PBX1: variants seen among roughly 807,000 people sequenced by gnomAD.
The protein encoded by PBX1 is pre-B-cell leukemia transcription factor 1.
Under a neutral mutation model 53.4 loss-of-function variants are expected in PBX1, and 6 were observed. The ratio of observed to expected loss-of-function variants is 0.11; its 90% CI spans 0.06 to 0.22. PBX1 has a LOEUF of 0.22. Ranked by LOEUF, PBX1 falls within the 10% of genes least tolerant of loss-of-function variation. The pLI is 1.00. For missense variants in PBX1, 251 were observed against 551.4 expected, an observed-to-expected ratio of 0.46 and a Z score of 5.46; for synonymous variants, 204 against 212.3, an observed-to-expected ratio of 0.96 and a Z score of 0.34.
chr1:164,638,308 G>A (rs1658907708), intron 2 of PBX1, among the ~76,000 whole-genome samples: 1 of 152,222 alleles, frequency 6.6e-6, no homozygotes, highest in African/African-American at 2.4e-5. Context: ...GTGAGAGGTA[G>A]GAAAACATTA....
chr1:164,768,592 T>C (rs939975712), intron 2 of PBX1, among the ~76,000 whole-genome samples: 10 of 152,326 alleles, frequency 6.6e-5, no homozygotes, highest in Middle Eastern at 3.4e-3. Context: ...TGGTTCCCGA[T>C]AGAATGGTTC....
intron 2 of PBX1, among the ~76,000 whole-genome samples, chr1:164,719,752 G>A (rs2102101266): frequency 6.6e-6 from 1 of 152,248 alleles, no homozygotes; most frequent in East Asian, 1.9e-4. Flanking sequence ...TCTGGGCACT[G>A]GAAAGCACAT....
chr1:164,842,492 A>G (rs1671350930), intron 8 of PBX1, among the ~76,000 whole-genome samples: 1 of 152,156 alleles, frequency 6.6e-6, no homozygotes, highest in African/African-American at 2.4e-5. Context: ...TGTGTTTTGG[A>G]AATCCAGATT....
chr1:164,613,204 C>T (rs1657049463), intron 2 of PBX1, among the ~76,000 whole-genome samples: 1 of 152,158 alleles, frequency 6.6e-6, no homozygotes, highest in African/African-American at 2.4e-5. Flanking sequence ...CAATGTCAAG[C>T]CTTATGTTCC....
At chr1:164,651,889 C>G (rs1270223779) in intron 2 of PBX1, 2 of 151,172 alleles carry the variant, frequency 1.3e-5, no homozygotes, top group African/African-American at 4.9e-5. Context: ...CCTCGCAAAG[C>G]AGACAGAGCA....
At chr1:164,646,519 G>A (rs1659462258) in intron 2 of PBX1, among the ~76,000 whole-genome samples, 1 of 152,034 alleles carries the variant, frequency 6.6e-6, no homozygotes, top group Non-Finnish European at 1.5e-5. Flanking sequence ...CTTCTGATGG[G>A]GAGATATGGC....
intron 2 of PBX1, among the ~76,000 whole-genome samples, chr1:164,697,715 GT>G (rs1662872539): frequency 2.0e-5 from 3 of 152,148 alleles, no homozygotes; most frequent in Admixed American, 2.0e-4. Flanking sequence ...AAATTAAACT[GT>G]CACAGAGTAC....
intron 2 of PBX1, among the ~76,000 whole-genome samples, chr1:164,571,762 A>G (rs1426898643): frequency 6.6e-6 from 1 of 150,760 alleles, no homozygotes; most frequent in East Asian, 2.0e-4. Context: ...TGATAACTCT[A>G]TGTTTAGATT....
intron 2 of PBX1, among the ~76,000 whole-genome samples, chr1:164,857,795 T>G (rs1001176129): frequency 6.6e-6 from 1 of 152,212 alleles, no homozygotes; most frequent in Non-Finnish European, 1.5e-5. Flanking sequence ...TTGCTTAATC[T>G]TTCTGTGCCT....
At chr1:164,611,831 C>G (rs1298515294) in intron 2 of PBX1, among the ~76,000 whole-genome samples, 2 of 152,144 alleles carry the variant, frequency 1.3e-5, no homozygotes, top group African/African-American at 2.4e-5. Context: ...AGGACCTGCT[C>G]TGTGCCTGGC....
intron 2 of PBX1, among the ~76,000 whole-genome samples, chr1:164,766,998 G>C (rs1667092280): frequency 6.9e-6 from 1 of 144,806 alleles, no homozygotes; most frequent in African/African-American, 2.6e-5. Context: ...AAAGTGCTGG[G>C]ATTACAGGTG....
intron 2 of PBX1, among the ~76,000 whole-genome samples, chr1:164,571,873 G>GTATATATATATATATATATATA (rs59338120): frequency 3.3e-5 from 1 of 29,898 alleles, no homozygotes; most frequent in Non-Finnish European, 6.0e-5. Context: ...TCTGTACATT[G>GTATATATATATATATATATATA]TATATATATA....
intron 2 of PBX1, among the ~76,000 whole-genome samples, chr1:164,755,447 C>A (rs114837137): frequency 6.6e-6 from 1 of 152,114 alleles, no homozygotes; most frequent in African/African-American, 2.4e-5. Flanking sequence ...CCGCGCCCAG[C>A]CTTTTACTTG....
At chr1:164,818,097 A>T (rs1440753911) in intron 6 of PBX1, 1 of 152,254 alleles carries the variant, frequency 6.6e-6, no homozygotes, top group Non-Finnish European at 1.5e-5. Flanking sequence ...AAATGCAAGC[A>T]TGTATTGTAA....
chr1:164,822,316 A>C (rs1670200773), intron 8 of PBX1, among the ~76,000 whole-genome samples: 1 of 152,108 alleles, frequency 6.6e-6, no homozygotes, highest in African/African-American at 2.4e-5. Context: ...AGCTGGGACA[A>C]GAGGGCAGCC....
At chr1:164,782,286 A>G (rs1571397128) in intron 2 of PBX1, among the ~76,000 whole-genome samples, 1 of 152,070 alleles carries the variant, frequency 6.6e-6, no homozygotes, top group South Asian at 2.1e-4. Flanking sequence ...CCCTGGCTGG[A>G]ATTTGCTGTT....
At chr1:164,867,997 C>A (rs906500577) in intron 2 of PBX1, among the ~76,000 whole-genome samples, 1 of 152,208 alleles carries the variant, frequency 6.6e-6, no homozygotes, top group Non-Finnish European at 1.5e-5. Context: ...GAGCTCCCAG[C>A]TGTTTAATTC....
At chr1:164,646,685 GAGA>G (rs2101911567) in intron 2 of PBX1, among the ~76,000 whole-genome samples, 1 of 152,332 alleles carries the variant, frequency 6.6e-6, no homozygotes, top group South Asian at 2.1e-4. Context: ...GTTGAGAGGA[GAGA>G]GTTTTTTTGA....
intron 2 of PBX1, among the ~76,000 whole-genome samples, chr1:164,715,227 G>A (rs373766949): frequency 6.6e-6 from 1 of 152,148 alleles, no homozygotes; most frequent in Non-Finnish European, 1.5e-5. Flanking sequence ...TAAGTTGTGT[G>A]CACATTCTCA....
Sources: allele counts gnomAD v4.1 joint callset (sites outside exome capture counted in the v4.1 genomes callset), GRCh38; gene constraint gnomAD v4.1.1; transcripts MANE v1.5; gene names NCBI Gene and HGNC (gene_info 2026-07-23, HGNC 2026-07-21).